Variants in DIS3 observed in about 807,000 individuals in gnomAD.
DIS3 encodes the protein exosome complex exonuclease RRP44.
In DIS3, 103 loss-of-function variants were observed where a neutral mutation model predicts 113.0. The ratio of observed to expected loss-of-function variants is 0.91; its 90% CI spans 0.78 to 1.07. The LOEUF (loss-of-function observed/expected upper bound fraction) is 1.07. Ranked by LOEUF, DIS3 falls within the 50% of genes least tolerant of loss-of-function variation. The probability of loss-of-function intolerance (pLI) is 0.00; values close to 1 mark genes in which losing one functional copy is unlikely to be tolerated. For missense variants in DIS3, 1,121 were observed against 1,167.1 expected (o/e 0.96, Z 0.58); for synonymous variants, 402 against 394.3 (o/e 1.02, Z -0.23).
At position 72,781,747 on chromosome 13, in the gene DIS3, A is replaced by T; in HGVS notation, c.86T>A (p.Ile29Asn). 1 of 1,597,444 alleles carries T rather than the reference A, an allele frequency of 6.3e-7. No homozygotes were observed. The change falls in exon 1 of 21, where the codon ATC (isoleucine) becomes AAC (asparagine). Residue 29 changes from isoleucine to asparagine, a missense_variant. Around this residue, in one of 3 missense-constraint regions of DIS3, gnomAD observed 254 missense variants for 232.2 expected, o/e 1.09. Coordinates refer to ENST00000377767, the MANE Select transcript of DIS3 (RefSeq NM_014953.5). ...IVREHYLRDD[I>N]GCGAPGCAAC... ...TGCGCACCCGGGCGCACCGCAGCCG[A>T]TGTCGTCTCGCAGGTAGTGCTCGCG...
chr13:72,765,139 T>A (rs2033715099), intron 15 of DIS3, among the ~76,000 whole-genome samples: 1 of 152,048 alleles, frequency 6.6e-6, no homozygotes, highest in South Asian at 2.1e-4. Context: ...AACAAAAAAA[T>A]TCTTGTTTCC....
chr13:72,767,500 C>T (rs1424005303), intron 14 of DIS3, among the ~76,000 whole-genome samples: 1 of 152,012 alleles, frequency 6.6e-6, no homozygotes, highest in African/African-American at 2.4e-5. Flanking sequence ...TTTTAGCATG[C>T]CCAAATGATC....
At chr13:72,771,677 C>A in intron 11 of DIS3, 118 bp downstream of exon 11, 1 of 910,122 alleles carries the variant, frequency 1.1e-6, no homozygotes, top group Non-Finnish European at 1.6e-6. Flanking sequence ...CAAAAATTTG[C>A]AATATATTTA....
Position 72,759,611 on chromosome 13 carries a change from C to A in DIS3, c.*184G>T. On this transcript the variant is annotated 3_prime_UTR_variant, in exon 21 of 21. Transcript: ENST00000377767. Reference sequence around the variant, plus strand: ...TTCTGCATAAATAATTCTGTTCAACCCAGAAGTATAGTAGTATGATGGGTC... The same window carrying A: ...TTCTGCATAAATAATTCTGTTCAACACAGAAGTATAGTAGTATGATGGGTC... 1.9e-6 allele frequency: 1 copy of A among 536,048 alleles called. No homozygotes were observed. Among genetic ancestry groups the A allele is most frequent in the Non-Finnish European group, 3.3e-6 (1 of 301,562 alleles). 33.2% of individuals were successfully genotyped at this position (536,048 alleles called of 1,614,324 possible). A position where few individuals can be genotyped will look rare whatever the true frequency, so the allele number is the denominator to read the frequency against.
chr13:72,779,509 T>C (rs943979210), intron 2 of DIS3, among the ~76,000 whole-genome samples: 14 of 137,866 alleles, frequency 1.0e-4, no homozygotes, highest in African/African-American at 2.9e-4. Flanking sequence ...AAACAAGTGA[T>C]GTTGCTATTT....
Position 72,756,610 on chromosome 13 carries a change from G to T in DIS3, c.*3185C>A, listed in dbSNP as rs114036387. 1 of 152,202 alleles carries T rather than the reference G, an allele frequency of 6.6e-6. No homozygotes were observed. Among genetic ancestry groups the T allele is most frequent in the South Asian group, 2.1e-4 (1 of 4,814 alleles). The allele number at this position is 152,202 out of a possible 1,614,324, so 9.4% of individuals were successfully genotyped here. A position where few individuals can be genotyped will look rare whatever the true frequency, so the allele number is the denominator to read the frequency against. On this transcript the variant is annotated 3_prime_UTR_variant, in exon 21 of 21. Transcript: ENST00000377767. ...AACCTTGAATTGTAGCAATCCCCAC[G>T]TGTCAAGGGTGGGACCAGGTGGAGG...
In DIS3 at chr13:72,778,190, T is replaced by C. The variant is rs2034066745; in HGVS notation, c.577A>G (p.Thr193Ala). 1 of 1,577,602 alleles carries C rather than the reference T, an allele frequency of 6.3e-7. No individual in the cohort carries two copies. Among genetic ancestry groups the C allele is most frequent in the Non-Finnish European group, 8.7e-7 (1 of 1,152,338 alleles). ...KAIEEGIPAFTCEEYVKSLTA... is the reference protein window; with the variant it reads ...KAIEEGIPAFACEEYVKSLTA... ...GTACTTCTACATTTAGACTTACAAG[T>C]GAAAGCTGGTATTCCTTCTTCTATG... The change falls in exon 3 of 21, where the codon ACT becomes GCT. Residue 193 changes from threonine (T) to alanine (A), a missense_variant. Physicochemically the swap from Thr to Ala is moderately conservative, Grantham distance 58. This residue lies in a region of DIS3 where 6 missense variants were observed against 19.4 expected (regional missense o/e 0.31). Coordinates refer to ENST00000377767, the MANE Select transcript of DIS3 (RefSeq NM_014953.5).
chr13:72,770,821 G>T, intron 13 of DIS3, 83 bp downstream of exon 13: 1 of 902,746 alleles, frequency 1.1e-6, no homozygotes, highest in Non-Finnish European at 1.6e-6. Context: ...ACGTACATGT[G>T]AATCTTTAAA....
intron 20 of DIS3, among the ~76,000 whole-genome samples, chr13:72,760,104 T>C (rs1467840597): frequency 1.3e-5 from 2 of 152,164 alleles, no homozygotes; most frequent in Admixed American, 6.5e-5. Context: ...AAGCATGTCA[T>C]TTAGGAAGTG....
chr13:72,770,196 T>C (rs990979440), intron 13 of DIS3, among the ~76,000 whole-genome samples: 2 of 149,000 alleles, frequency 1.3e-5, no homozygotes, highest in Non-Finnish European at 1.5e-5. Flanking sequence ...TTTTCAAGTA[T>C]ATATTCTTTG....
In DIS3 at chr13:72,773,762, G is replaced by A; in HGVS notation, c.1161C>T (p.Thr387=). The A allele has an allele frequency of 6.2e-7, 1 of 1,613,998 alleles. No individual in the cohort carries two copies. The highest frequency in any genetic ancestry group is 8.5e-7 in the Non-Finnish European group (1 of 1,179,980). The part of the protein sequence containing the change: ...DKRIPRIRIE[T]RQASTLEGRR... ...GTCCTTCTAATGTGGAAGCCTGTCT[G>A]GTTTCTATGCGAATTCGAGGGATTC... Residue 387 remains threonine, a synonymous_variant, in exon 8 of 21, where the codon ACC becomes ACT. Coordinates refer to ENST00000377767, the MANE Select transcript of DIS3 (RefSeq NM_014953.5).
chr13:72,755,270 T>C lies in DIS3; in HGVS notation c.*4525A>G. On this transcript the variant is annotated 3_prime_UTR_variant, in exon 21 of 21. Coordinates refer to ENST00000377767, the MANE Select transcript of DIS3 (RefSeq NM_014953.5). ...CTTAAGAGTTCCTCGCATATATCGT[T>C]GTGCACAGGATCAACATGATGGTGA... 1 of 1,439,260 alleles carries C rather than the reference T, an allele frequency of 6.9e-7. No individual in the cohort carries two copies. The highest frequency in any genetic ancestry group is 1.2e-5 in the South Asian group (1 of 86,950). 89.2% of individuals were successfully genotyped at this position (1,439,260 alleles called of 1,614,324 possible).
chr13:72,773,694 C>T lies in DIS3; in HGVS notation c.1229G>A (p.Arg410Lys). ...ATACTTTAAGCTTACATTTGGATATCTGGAATTTCTGGGCCAACCATCAAT... is the reference window on the plus strand; with the variant it reads ...ATACTTTAAGCTTACATTTGGATATTTGGAATTTCTGGGCCAACCATCAAT... ...VAIDGWPRNS[R>K]YPNGHFVRNL... The change falls in exon 8 of 21, where the codon AGA (arginine) becomes AAA (lysine). Residue 410 changes from arginine to lysine, a missense_variant. Around this residue, in one of 3 missense-constraint regions of DIS3, gnomAD observed 861 missense variants for 915.5 expected, o/e 0.94. Coordinates refer to ENST00000377767, the MANE Select transcript of DIS3 (RefSeq NM_014953.5). 1 of 1,609,142 alleles carries T rather than the reference C, an allele frequency of 6.2e-7. No individual in the cohort carries two copies. The highest frequency in any genetic ancestry group is 8.5e-7 in the Non-Finnish European group (1 of 1,178,866).
intron 13 of DIS3, among the ~76,000 whole-genome samples, chr13:72,769,227 C>T (rs1479283249): frequency 6.6e-6 from 1 of 152,118 alleles, no homozygotes; most frequent in African/African-American, 2.4e-5. Context: ...TAAAATAAAA[C>T]ACAAAGGTAG....
rs2034199804 is a variant in DIS3 at position 72,781,215 on chromosome 13, A to G, written c.229-212T>C. On this transcript the variant is annotated intron_variant, in intron 1 of 20. Transcript: ENST00000377767. ...AAGCACACTTAAACAGACCAATCAC[A>G]AGACTTCGTAGAATTAAGGGTATTA... is the stretch of plus-strand genomic sequence containing the variant. The G allele has an allele frequency of 2.6e-6, 4 of 1,522,348 alleles. No homozygotes were observed. In the East Asian group the frequency reaches 9.8e-5, roughly 37 times the overall value. The allele number at this position is 1,522,348 out of a possible 1,614,324, so 94.3% of individuals were successfully genotyped here.
chr13:72,775,993 TA>T lies in DIS3; in HGVS notation c.753del (p.Phe251LeufsTer25). On this transcript the variant is annotated frameshift_variant, in exon 5 of 21. Coordinates refer to ENST00000377767, the MANE Select transcript of DIS3 (RefSeq NM_014953.5). LOFTEE classifies it high-confidence loss of function. ...IKSGTYLQGT[F>X]RASRENYLEA... Reference sequence around the variant, plus strand: ...TCCAAGTAATTTTCCCTGCTAGCTCTAAATGTTCCTTGAAGGTATGTACCAG... The same window carrying T: ...TCCAAGTAATTTTCCCTGCTAGCTCTAATGTTCCTTGAAGGTATGTACCAG... 6.2e-7 allele frequency: 1 copy of T among 1,612,022 alleles called. No homozygotes were observed. Among genetic ancestry groups the T allele is most frequent in the Non-Finnish European group, 8.5e-7 (1 of 1,179,340 alleles).
intron 15 of DIS3, among the ~76,000 whole-genome samples, chr13:72,764,096 G>A (rs2033693839): frequency 6.6e-6 from 1 of 152,126 alleles, no homozygotes; most frequent in Admixed American, 6.5e-5. Flanking sequence ...AGGTTGCAGT[G>A]AGCCGAGATC....
rs1426221059 is a variant in DIS3 at position 72,754,065 on chromosome 13, AGGT to A, written c.*5727_*5729del. ...GATGAGGGCATTTACTGAACCTTCCAGGTGGTGGTTATATATTCATACTTGAAG... is the reference window on the plus strand; with the variant it reads ...GATGAGGGCATTTACTGAACCTTCCAGGTGGTTATATATTCATACTTGAAG... On this transcript the variant is annotated 3_prime_UTR_variant, in exon 21 of 21. Transcript: ENST00000377767. 3 of 361,310 alleles carry A rather than the reference AGGT, an allele frequency of 8.3e-6. No homozygotes were observed. Among genetic ancestry groups the A allele is most frequent in the Non-Finnish European group, 1.5e-5 (3 of 200,736 alleles). 22.4% of individuals were successfully genotyped at this position (361,310 alleles called of 1,614,324 possible).
intron 4 of DIS3, among the ~76,000 whole-genome samples, chr13:72,777,157 G>T (rs1172166870): frequency 6.6e-6 from 1 of 152,056 alleles, no homozygotes; most frequent in South Asian, 2.1e-4. Flanking sequence ...CATGGACTCC[G>T]TTCATTTTTT....
Sources: gnomAD v4.1 joint callset for allele counts (sites outside exome capture counted in the v4.1 genomes callset) on GRCh38, gnomAD v4.1.1 for gene constraint, gnomAD v4.1.1 regional missense constraint, MANE v1.5 for transcripts, NCBI Gene and HGNC (gene_info 2026-07-23, HGNC 2026-07-21) for gene names.